Variants in SYN3 observed in about 807,000 individuals in gnomAD.
SYN3 encodes the protein synapsin III, also known as synapsin-3.
A neutral mutation model predicts 65.8 loss-of-function variants in SYN3; 35 were observed. The observed-to-expected ratio is 0.53, with a 90% CI of 0.41 to 0.70. The LOEUF (loss-of-function observed/expected upper bound fraction) is 0.70, where lower values mean the gene tolerates loss of function less well. Among genes scored for constraint, SYN3 ranks in the 30% least tolerant of loss-of-function variants. The pLI is 0.00. For synonymous variants in SYN3, 270 were observed against 292.9 expected (o/e 0.92, Z 0.80); for missense variants, 680 against 749.0 (o/e 0.91, Z 1.08).
intron 6 of SYN3, among the ~76,000 whole-genome samples, chr22:32,702,578 CT>C (rs766757200): frequency 2.0e-5 from 3 of 152,200 alleles, no homozygotes; most frequent in African/African-American, 4.8e-5. Flanking sequence ...GACCTGAATT[CT>C]TTTCGTGTTA....
intron 4 of SYN3, among the ~76,000 whole-genome samples, chr22:32,890,027 G>A (rs539121677): frequency 1.4e-4 from 19 of 136,840 alleles, no homozygotes; most frequent in African/African-American, 3.0e-4. Flanking sequence ...AAAAAATTTC[G>A]TGGTTTCCTC....
At chr22:32,537,406 G>A (rs762018647) in intron 9 of SYN3, among the ~76,000 whole-genome samples, 1 of 152,062 alleles carries the variant, frequency 6.6e-6, no homozygotes, top group Non-Finnish European at 1.5e-5. Context: ...TGATCTGCCC[G>A]CCTCGGCCTC....
intron 2 of SYN3, among the ~76,000 whole-genome samples, chr22:32,990,411 T>TCCATCCATCCATCCATCCATCCATCCAG (rs2052677160): frequency 7.3e-5 from 2 of 27,310 alleles, no homozygotes; most frequent in Non-Finnish European, 1.3e-4. Flanking sequence ...CATCCAGCCA[T>TCCATCCATCCATCCATCCATCCATCCAG]CCATCCATCC....
intron 6 of SYN3, among the ~76,000 whole-genome samples, chr22:32,689,704 G>T (rs1003143576): frequency 2.6e-5 from 4 of 152,186 alleles, no homozygotes; most frequent in Non-Finnish European, 5.9e-5. Context: ...CACCAAGAGG[G>T]TCGAGGAGAG....
intron 6 of SYN3, among the ~76,000 whole-genome samples, chr22:32,830,620 G>A (rs2047544132): frequency 6.6e-6 from 1 of 152,174 alleles, no homozygotes; most frequent in African/African-American, 2.4e-5. Flanking sequence ...GCGAGTTAAA[G>A]GAATTCTCGT....
At position 32,541,651 on chromosome 22, in the gene SYN3, G is replaced by C. The variant is rs2076949570; in HGVS notation, c.837C>G (p.Thr279=). The C allele has an allele frequency of 1.2e-6, 2 of 1,613,844 alleles. No individual in the cohort carries two copies. The highest frequency in any genetic ancestry group is 2.7e-5 in the African/African-American group (2 of 74,848). Residue 279 remains threonine, a synonymous_variant, in exon 8 of 14, where the codon ACC becomes ACG. Coordinates refer to ENST00000358763, the MANE Select transcript of SYN3 (RefSeq NM_003490.4). The part of the protein sequence containing the change: ...DITSVVAMAK[T]YATTEAFIDS... ...CGATGAAGGCCTCGGTGGTGGCGTA[G>C]GTTTTGGCCATGGCGACCACGCTGG... is the stretch of plus-strand genomic sequence containing the variant.
chr22:32,537,236 C>T (rs11703559), intron 9 of SYN3, among the ~76,000 whole-genome samples: 6,901 of 151,962 alleles, frequency 0.045, 190 homozygotes, highest in Non-Finnish European at 0.067. Flanking sequence ...CTCAGCTCAC[C>T]GCAACCTCCG....
At chr22:32,684,555 G>T (rs1024903126) in intron 6 of SYN3, among the ~76,000 whole-genome samples, 2 of 152,146 alleles carry the variant, frequency 1.3e-5, no homozygotes, top group Non-Finnish European at 2.9e-5. Flanking sequence ...GTCAAACATT[G>T]CATTAACACT....
At chr22:32,904,766 G>A (rs2049857105) in intron 4 of SYN3, among the ~76,000 whole-genome samples, 1 of 152,120 alleles carries the variant, frequency 6.6e-6, no homozygotes, top group African/African-American at 2.4e-5. Context: ...GTCCACTGTG[G>A]GAAGCTTTCA....
intron 6 of SYN3, among the ~76,000 whole-genome samples, chr22:32,854,453 C>T (rs1339142688): frequency 6.6e-6 from 1 of 152,134 alleles, no homozygotes; most frequent in Non-Finnish European, 1.5e-5. Flanking sequence ...AAGACTGACG[C>T]AGAAGGAATG....
chr22:32,860,457 A>T (rs547790374), intron 6 of SYN3: 1 of 152,792 alleles, frequency 6.5e-6, no homozygotes, highest in African/African-American at 2.4e-5. Flanking sequence ...ATGCTGTTAA[A>T]TATGCCAATA....
chr22:32,993,965 C>G (rs575362761), intron 2 of SYN3, among the ~76,000 whole-genome samples: 2 of 152,240 alleles, frequency 1.3e-5, no homozygotes, highest in South Asian at 2.1e-4. Context: ...CTCCTGTTTC[C>G]GAGGGTGAAG....
chr22:32,536,228 C>T (rs1052188812), intron 9 of SYN3, among the ~76,000 whole-genome samples: 1 of 152,180 alleles, frequency 6.6e-6, no homozygotes, highest in African/African-American at 2.4e-5. Context: ...AGGTGACTGC[C>T]TCAGCCACAT....
chr22:32,528,747 C>T (rs759706301), intron 11 of SYN3, 127 bp downstream of exon 11: 6 of 1,356,098 alleles, frequency 4.4e-6, no homozygotes, highest in Non-Finnish European at 6.0e-6. Flanking sequence ...TCGTCCACAC[C>T]CCCATTCCTT....
intron 3 of SYN3, among the ~76,000 whole-genome samples, chr22:32,979,522 GGGA>G (rs1376410972): frequency 6.6e-6 from 1 of 152,124 alleles, no homozygotes; most frequent in Non-Finnish European, 1.5e-5. Flanking sequence ...AAAAAGTGCA[GGGA>G]GAAGAACAGT....
At chr22:32,785,606 G>A (rs555402079) in intron 6 of SYN3, among the ~76,000 whole-genome samples, 7 of 152,282 alleles carry the variant, frequency 4.6e-5, no homozygotes, top group Admixed American at 6.5e-5. Flanking sequence ...AACATTTATT[G>A]TGCCTGACAT....
chr22:32,511,935 CTGTCCTA>C lies in SYN3; in HGVS notation c.*1750_*1756del. On this transcript the variant is annotated 3_prime_UTR_variant, in exon 14 of 14. Transcript: ENST00000358763. Reference sequence around the variant, plus strand: ...AGGGAAGAGGGCAATGTGAAGAGGACTGTCCTAAAGGCCAAGTGGCTTTCTGGCAGCC... The same window carrying C: ...AGGGAAGAGGGCAATGTGAAGAGGACAAGGCCAAGTGGCTTTCTGGCAGCC... 6.6e-6 allele frequency among the ~76,000 whole-genome samples: 1 copy of C among 152,344 alleles called. No individual in the cohort carries two copies. The highest frequency in any genetic ancestry group is 2.4e-5 in the African/African-American group (1 of 41,572).
At chr22:32,849,101 G>T (rs537516104) in intron 6 of SYN3, among the ~76,000 whole-genome samples, 1 of 152,226 alleles carries the variant, frequency 6.6e-6, no homozygotes, top group Non-Finnish European at 1.5e-5. Flanking sequence ...GGACAAGGGA[G>T]GGGGGACAAT....
At chr22:32,811,025 TG>T (rs1209531286) in intron 6 of SYN3, among the ~76,000 whole-genome samples, 1 of 152,158 alleles carries the variant, frequency 6.6e-6, no homozygotes, top group Admixed American at 6.5e-5. Flanking sequence ...GGCAATTAAG[TG>T]AAATACTTCA....
Sources: gnomAD v4.1 joint callset for allele counts (sites outside exome capture counted in the v4.1 genomes callset) on GRCh38, gnomAD v4.1.1 for gene constraint, MANE v1.5 for transcripts, NCBI Gene and HGNC (gene_info 2026-07-23, HGNC 2026-07-21) for gene names.